The following SCIN variants were observed in gnomAD, a reference collection of about 807,000 sequenced individuals.
SCIN encodes scinderin.
SCIN carries 91 observed loss-of-function variants against 91.8 expected under a neutral mutation model. The observed-to-expected ratio is 0.99, with a 90% CI of 0.84 to 1.18. The LOEUF is 1.18. Ranked by LOEUF, SCIN falls within the 50% of genes most tolerant of loss-of-function variation. The pLI is 0.00. For synonymous variants in SCIN, 367 were observed against 312.6 expected, an observed-to-expected ratio of 1.17 and a Z score of -1.84; for missense variants, 1,087 against 863.9, an observed-to-expected ratio of 1.26 and a Z score of -3.24.
rs1784136314 is a variant in SCIN at position 12,654,503 on chromosome 7, A to C, written c.*1788A>C. 6.6e-6 allele frequency: 1 copy of C among 152,186 alleles called. No homozygotes were observed. Among genetic ancestry groups the C allele is most frequent in the African/African-American group, 2.4e-5 (1 of 41,446 alleles). The allele number at this position is 152,186 out of a possible 1,614,324, so 9.4% of individuals were successfully genotyped here. ...AAAATGATGTAAGTAGACATTTAAC[A>C]TTTCTAGGAATGTAATTGAGTGAAA... On this transcript the variant is annotated 3_prime_UTR_variant, in exon 16 of 16. Coordinates refer to ENST00000297029, the MANE Select transcript of SCIN (RefSeq NM_001112706.3).
chr7:12,571,286 T>C (rs1319565457), intron 1 of SCIN: 1 of 427,994 alleles, frequency 2.3e-6, no homozygotes, highest in Non-Finnish European at 4.3e-6. Flanking sequence ...CACCGTCAAG[T>C]ATCCAAACGC....
At chr7:12,582,163 T>A (rs1207351908) in intron 3 of SCIN, among the ~76,000 whole-genome samples, 1 of 152,196 alleles carries the variant, frequency 6.6e-6, no homozygotes, top group Non-Finnish European at 1.5e-5. Flanking sequence ...GGTTGCAAAG[T>A]TAGTAAATGG....
At chr7:12,574,730 A>C (rs1218753062) in intron 1 of SCIN, among the ~76,000 whole-genome samples, 1 of 152,116 alleles carries the variant, frequency 6.6e-6, no homozygotes, top group African/African-American at 2.4e-5. Context: ...AATCTGTTTT[A>C]ATCACGTTAG....
Position 12,581,119 on chromosome 7 carries a change from G to A in SCIN, c.414G>A (p.Arg138=). 1 of 1,551,400 alleles carries A rather than the reference G, an allele frequency of 6.4e-7. No individual in the cohort carries two copies. Among genetic ancestry groups the A allele is most frequent in the Non-Finnish European group, 8.7e-7 (1 of 1,146,790 alleles). ...TTACGAACGACCTGACAGCCAAGAG[G>A]CTCCTACATGTGAAGGGTCGTAGAG... is the stretch of plus-strand genomic sequence containing the variant. The part of the protein sequence containing the change: ...HVLTNDLTAK[R]LLHVKGRRVV... The change falls in exon 3 of 16, where the codon AGG becomes AGA. Residue 138 remains arginine, a synonymous_variant. Coordinates refer to ENST00000297029, the MANE Select transcript of SCIN (RefSeq NM_001112706.3).
In SCIN at chr7:12,652,868, A is replaced by T; in HGVS notation, c.*153A>T. ...CCTGTAATCCCAGCACTTTGAGAGG[A>T]TGAGGTAGGCGGATCACTGGGGTCA... On this transcript the variant is annotated 3_prime_UTR_variant, in exon 16 of 16. Transcript: ENST00000297029. The T allele has an allele frequency of 1.1e-6, 1 of 872,034 alleles. No homozygotes were observed. Among genetic ancestry groups the T allele is most frequent in the Non-Finnish European group, 1.7e-6 (1 of 583,896 alleles). 54.0% of individuals were successfully genotyped at this position (872,034 alleles called of 1,614,324 possible).
At chr7:12,582,123 G>A (rs921471388) in intron 3 of SCIN, among the ~76,000 whole-genome samples, 1 of 152,168 alleles carries the variant, frequency 6.6e-6, no homozygotes, top group African/African-American at 2.4e-5. Flanking sequence ...GCTTCAGTTA[G>A]CATGAGGCTT....
chr7:12,594,606 C>T (rs1020844461), intron 3 of SCIN, among the ~76,000 whole-genome samples: 17 of 152,014 alleles, frequency 1.1e-4, no homozygotes, highest in African/African-American at 3.6e-4. Context: ...GAACGGAGGC[C>T]GAGAGCCTTG....
At chr7:12,638,274 C>T (rs1783792569) in intron 10 of SCIN, among the ~76,000 whole-genome samples, 1 of 152,182 alleles carries the variant, frequency 6.6e-6, no homozygotes, top group East Asian at 1.9e-4. Flanking sequence ...CTAGCTGGAA[C>T]TATCTCTCTC....
chr7:12,601,637 G>A (rs148112092), intron 3 of SCIN, among the ~76,000 whole-genome samples: 64 of 152,116 alleles, frequency 4.2e-4, no homozygotes, highest in Non-Finnish European at 8.8e-4. Flanking sequence ...AGTGAGTAAT[G>A]TATGTGACAT....
intron 2 of SCIN, among the ~76,000 whole-genome samples, chr7:12,579,973 T>C (rs1200664029): frequency 6.6e-6 from 1 of 152,208 alleles, no homozygotes; most frequent in Non-Finnish European, 1.5e-5. Flanking sequence ...ACTTAGTTTA[T>C]TCAACCAAGA....
At chr7:12,578,306 A>G in intron 2 of SCIN, 88 bp downstream of exon 2, 1 of 1,229,814 alleles carries the variant, frequency 8.1e-7, no homozygotes, top group Non-Finnish European at 1.1e-6. Flanking sequence ...CAGTTCGTTG[A>G]GGGCAGGGGT....
Position 12,622,901 on chromosome 7 carries a change from C to T in SCIN, c.759+8C>T. 6.3e-7 allele frequency: 1 copy of T among 1,592,316 alleles called. No individual in the cohort carries two copies. Among genetic ancestry groups the T allele is most frequent in the South Asian group, 1.1e-5 (1 of 90,212 alleles). ...ATGGCTAAACTATACATGGTGAGTT[C>T]ACTGTAACCAAATTTATTGTTTCAA... On this transcript the variant is annotated splice_region_variant and intron_variant, in intron 5 of 15. Transcript: ENST00000297029.
intron 10 of SCIN, 47 bp from the exon 11 acceptor site, chr7:12,640,300 A>C: frequency 6.9e-7 from 1 of 1,440,258 alleles, no homozygotes. Flanking sequence ...ACCTTCTTTC[A>C]CAGCACTCTT....
At chr7:12,637,072 T>C (rs1783766480) in intron 10 of SCIN, among the ~76,000 whole-genome samples, 2 of 152,140 alleles carry the variant, frequency 1.3e-5, no homozygotes, top group Non-Finnish European at 2.9e-5. Flanking sequence ...TAAATTGTTA[T>C]TCCAGATTTT....
chr7:12,593,578 C>T (rs954031523), intron 3 of SCIN, among the ~76,000 whole-genome samples: 12 of 152,026 alleles, frequency 7.9e-5, no homozygotes, highest in African/African-American at 2.7e-4. Flanking sequence ...GAGGCAGGGT[C>T]GATGCGGGTA....
intron 3 of SCIN, among the ~76,000 whole-genome samples, chr7:12,588,681 T>C (rs1052663444): frequency 1.3e-5 from 2 of 151,438 alleles, no homozygotes; most frequent in Admixed American, 1.3e-4. Context: ...TTTATCCACG[T>C]TTCTCGTGAC....
At chr7:12,581,995 C>T (rs150384899) in intron 3 of SCIN, among the ~76,000 whole-genome samples, 12 of 152,312 alleles carry the variant, frequency 7.9e-5, no homozygotes, top group African/African-American at 2.9e-4. Context: ...ATAAGGCTCT[C>T]CTCTTCCTGC....
intron 9 of SCIN, among the ~76,000 whole-genome samples, chr7:12,633,199 A>G (rs898224585): frequency 6.6e-6 from 1 of 152,126 alleles, no homozygotes; most frequent in African/African-American, 2.4e-5. Flanking sequence ...TTATGAAATC[A>G]CTTGTATGCT....
At chr7:12,575,191 G>C (rs1374643301) in intron 1 of SCIN, among the ~76,000 whole-genome samples, 5 of 149,394 alleles carry the variant, frequency 3.3e-5, no homozygotes, top group African/African-American at 1.2e-4. Flanking sequence ...GATGAATCTT[G>C]TATCCTGCTA....
Sources: allele counts gnomAD v4.1 joint callset (sites outside exome capture counted in the v4.1 genomes callset), GRCh38; gene constraint gnomAD v4.1.1; transcripts MANE v1.5; gene names NCBI Gene and HGNC (gene_info 2026-07-23, HGNC 2026-07-21).